WNT3: variants seen among roughly 807,000 people sequenced by gnomAD.
WNT3 encodes the protein Wnt family member 3.
Under a neutral mutation model 34.2 loss-of-function variants are expected in WNT3, and 7 were observed. That is an observed-to-expected ratio of 0.20 (90% CI 0.12 to 0.38). The LOEUF (loss-of-function observed/expected upper bound fraction) is 0.38, where lower values mean the gene tolerates loss of function less well. Among genes scored for constraint, WNT3 ranks in the 10% least tolerant of loss-of-function variants. The pLI is 1.00. For missense variants in WNT3, 267 were observed against 499.8 expected (o/e 0.53, Z 4.44); for synonymous variants, 212 against 211.5 (o/e 1.00, Z -0.02).
chr17:46,799,740 G>A (rs2084100674), intron 1 of WNT3, among the ~76,000 whole-genome samples: 1 of 152,142 alleles, frequency 6.6e-6, no homozygotes, highest in African/African-American at 2.4e-5. Flanking sequence ...GAGCCACTGC[G>A]CCTAGCCAGT....
At chr17:46,806,668 CA>C (rs2084201349) in intron 1 of WNT3, among the ~76,000 whole-genome samples, 1 of 152,236 alleles carries the variant, frequency 6.6e-6, no homozygotes. Context: ...GATGGAGAAC[CA>C]CCCAGCCTGA....
At chr17:46,793,108 TA>T (rs373445053) in intron 1 of WNT3, among the ~76,000 whole-genome samples, 136,860 of 140,444 alleles carry the variant, frequency 0.97, 66,705 homozygotes, top group South Asian at 0.99. Context: ...CTACTAAAAT[TA>T]AAAAAAAAAA....
Position 46,769,893 on chromosome 17 carries a change from C to T in WNT3, c.478G>A (p.Glu160Lys), listed in dbSNP as rs757224064. Residue 160 changes from glutamate to lysine, a missense_variant, in exon 3 of 5, where the codon GAG becomes AAG. Transcript: ENST00000225512. ...ACTAACACGCCGAAGTCAGCGTCCT[C>T]GCTGCAGCCGCCCCACTTCCAGCCT... ...GEGWKWGGCS[E>K]DADFGVLVSR... 2 of 1,613,586 alleles carry T rather than the reference C, an allele frequency of 1.2e-6. No homozygotes were observed. Among genetic ancestry groups the T allele is most frequent in the Admixed American group, 3.3e-5 (2 of 60,028 alleles).
intron 4 of WNT3, among the ~76,000 whole-genome samples, chr17:46,766,965 A>C (rs1316347969): frequency 6.6e-6 from 1 of 152,140 alleles, no homozygotes; most frequent in Admixed American, 6.6e-5. Flanking sequence ...CAGGTCTATG[A>C]AGAATTTCTT....
intron 2 of WNT3, among the ~76,000 whole-genome samples, chr17:46,771,591 C>T (rs2059370606): frequency 6.8e-6 from 1 of 147,876 alleles, no homozygotes; most frequent in African/African-American, 2.4e-5. Flanking sequence ...CCGCTCAATC[C>T]GCCTTTGTTC....
At chr17:46,772,199 G>A (rs910865852) in intron 2 of WNT3, among the ~76,000 whole-genome samples, 1 of 152,152 alleles carries the variant, frequency 6.6e-6, no homozygotes, top group African/African-American at 2.4e-5. Context: ...GGCGTCTTCC[G>A]GGATGCTCTC....
At chr17:46,774,792 G>A (rs747746937) in intron 1 of WNT3, among the ~76,000 whole-genome samples, 2 of 152,198 alleles carry the variant, frequency 1.3e-5, no homozygotes, top group Non-Finnish European at 2.9e-5. Flanking sequence ...TAGGAATTAC[G>A]ACTTTTCCGT....
intron 1 of WNT3, among the ~76,000 whole-genome samples, chr17:46,782,487 C>T (rs1012219993): frequency 3.9e-5 from 6 of 152,154 alleles, no homozygotes; most frequent in Non-Finnish European, 7.3e-5. Context: ...CCACCCTCCA[C>T]GGAAACTTCT....
chr17:46,814,502 TC>T (rs1194362294), intron 1 of WNT3, among the ~76,000 whole-genome samples: 4 of 151,318 alleles, frequency 2.6e-5, no homozygotes, highest in Admixed American at 6.6e-5. Flanking sequence ...CCCCGCCATA[TC>T]CCCCCCAGGG....
rs906970083 is a variant in WNT3 at position 46,770,161 on chromosome 17, G to A, written c.323-113C>T. ...GAACGAGGCCAGGAAGAGTTGAAGA[G>A]CTCACCAGCCCTGAGGCAAGAGGGA... is the stretch of plus-strand genomic sequence containing the variant. On this transcript the variant is annotated intron_variant, in intron 2 of 4. Transcript: ENST00000225512. The A allele has an allele frequency of 7.2e-6, 10 of 1,382,222 alleles. No homozygotes were observed. In the African/African-American group the frequency reaches 8.7e-5, roughly 12 times the overall value. The allele number at this position is 1,382,222 out of a possible 1,614,324, so 85.6% of individuals were successfully genotyped here. A position where few individuals can be genotyped will look rare whatever the true frequency, so the allele number is the denominator to read the frequency against.
At chr17:46,795,748 C>G (rs1199243741) in intron 1 of WNT3, among the ~76,000 whole-genome samples, 1 of 152,188 alleles carries the variant, frequency 6.6e-6, no homozygotes, top group African/African-American at 2.4e-5. Context: ...CCAGCCCCAC[C>G]CGGGGATCTC....
rs1163127102 is a variant in WNT3, at chr17:46,769,962, T to G, written c.409A>C (p.Thr137Pro). 6.2e-7 allele frequency: 1 copy of G among 1,612,834 alleles called. No homozygotes were observed. The highest frequency in any genetic ancestry group is 8.5e-7 in the Non-Finnish European group (1 of 1,179,700). Reference sequence around the variant, plus strand: ...TGATGCGAGTCACAGCCGCAAATGGTGGAGGTGCCCTCGGCGCAGGAGCGG... The same window carrying G: ...TGATGCGAGTCACAGCCGCAAATGGGGGAGGTGCCCTCGGCGCAGGAGCGG... ...VTRSCAEGTS[T>P]ICGCDSHHKG... Residue 137 changes from threonine to proline, a missense_variant, in exon 3 of 5, where the codon ACC becomes CCC. Physicochemically the swap from Thr to Pro is conservative, Grantham distance 38 (BLOSUM62 -1). Transcript: ENST00000225512.
intron 1 of WNT3, among the ~76,000 whole-genome samples, chr17:46,816,432 G>A (rs560706762): frequency 6.9e-6 from 1 of 144,902 alleles, no homozygotes; most frequent in East Asian, 2.2e-4. Flanking sequence ...AGACACACTG[G>A]TGTATAGAAA....
chr17:46,779,099 A>ACC (rs1484961045), intron 1 of WNT3, among the ~76,000 whole-genome samples: 1,505 of 128,592 alleles, frequency 0.012, 95 homozygotes, highest in East Asian at 0.11. Context: ...ACACACACAC[A>ACC]CACACCCCAG....
chr17:46,797,499 G>C (rs2084070029), intron 1 of WNT3, among the ~76,000 whole-genome samples: 1 of 152,220 alleles, frequency 6.6e-6, no homozygotes, highest in Admixed American at 6.5e-5. Context: ...GGCTTGCCTC[G>C]GGCGGGAAGA....
intron 1 of WNT3, among the ~76,000 whole-genome samples, chr17:46,805,098 A>G (rs920648308): frequency 1.3e-5 from 2 of 152,112 alleles, no homozygotes; most frequent in African/African-American, 4.8e-5. Context: ...TGAGACCACG[A>G]ACCCACTGGA....
intron 1 of WNT3, among the ~76,000 whole-genome samples, chr17:46,793,145 C>T (rs2084008682): frequency 6.6e-6 from 1 of 151,208 alleles, no homozygotes. Flanking sequence ...ATGGTGGTGA[C>T]CACCTGTAGT....
chr17:46,768,817 C>T lies in WNT3; in HGVS notation c.589-18G>A. The T allele has an allele frequency of 6.2e-7, 1 of 1,610,722 alleles. No individual in the cohort carries two copies. The highest frequency in any genetic ancestry group is 2.2e-5 in the East Asian group (1 of 44,846). On this transcript the variant is annotated intron_variant, in intron 3 of 4. Coordinates refer to ENST00000225512, the MANE Select transcript of WNT3 (RefSeq NM_030753.5). The surrounding 1 kb of genome is among the most constrained non-coding windows in gnomAD (Gnocchi z 5.0). The stretch of plus-strand genomic sequence containing the variant: ...AGGATAGTCTGGGGGAGAGAAGTGG[C>T]AGCTGGCCAACAGACCGACCCCACG...
rs368870866 is a variant in WNT3, at chr17:46,783,071, G to A, written c.81-9162C>T. ...TTAGGGGCTAGTTCATTCTCTCAAC[G>A]GGGCTAGTTCATTCTCTCAACGGGG... On this transcript the variant is annotated intron_variant, in intron 1 of 4. Coordinates refer to ENST00000225512, the MANE Select transcript of WNT3 (RefSeq NM_030753.5). 4.6e-5 allele frequency among the ~76,000 whole-genome samples: 7 copies of A among 152,060 alleles called. No homozygotes were observed. In the East Asian group the frequency reaches 9.6e-4, roughly 21 times the overall value.
Sources: allele counts gnomAD v4.1 joint callset (sites outside exome capture counted in the v4.1 genomes callset), GRCh38; gene constraint gnomAD v4.1.1; non-coding constraint Gnocchi (gnomAD v3.1); transcripts MANE v1.5; gene names NCBI Gene and HGNC (gene_info 2026-07-23, HGNC 2026-07-21).